The following SEC14L1 variants were observed in gnomAD, a reference collection of about 807,000 sequenced individuals.
SEC14L1 encodes the protein SEC14 like lipid binding 1, also known as SEC14-like protein 1.
SEC14L1 carries 48 observed loss-of-function variants against 85.3 expected under a neutral mutation model. The ratio of observed to expected loss-of-function variants is 0.56; its 90% confidence interval spans 0.45 to 0.72. SEC14L1 has a LOEUF of 0.72. Ranked by LOEUF, SEC14L1 falls within the 30% of genes least tolerant of loss-of-function variation. The pLI, the probability that SEC14L1 is intolerant of heterozygous loss-of-function variation, is 0.00. For synonymous variants in SEC14L1, 391 were observed against 355.5 expected, an observed-to-expected ratio of 1.10 and a Z score of -1.12; for missense variants, 682 against 921.4, an observed-to-expected ratio of 0.74 and a Z score of 3.36.
chr17:77,202,364 A>G (rs940024151), intron 9 of SEC14L1, among the ~76,000 whole-genome samples: 2 of 151,844 alleles, frequency 1.3e-5, no homozygotes, highest in Admixed American at 1.3e-4. Context: ...CACACCTGTA[A>G]TCCCAGCACT....
intron 3 of SEC14L1, among the ~76,000 whole-genome samples, chr17:77,177,850 A>G (rs1159583612): frequency 2.0e-5 from 3 of 152,098 alleles, no homozygotes; most frequent in Admixed American, 2.0e-4. Context: ...ACATATACCT[A>G]GTTCTTTTGT....
Position 77,214,958 on chromosome 17 carries a change from T to C in SEC14L1, c.*935T>C. The C allele has an allele frequency of 3.0e-6, 3 of 985,262 alleles. 1 individual carries two copies. The South Asian group carries it at 1.4e-4, about 46-fold the overall frequency. The allele number at this position is 985,262 out of a possible 1,614,324, so 61.0% of individuals were successfully genotyped here. On this transcript the variant is annotated 3_prime_UTR_variant, in exon 17 of 17. Coordinates refer to ENST00000436233, the MANE Select transcript of SEC14L1 (RefSeq NM_001143998.2). ...CGCATTTGCCACTTGACACTGTCCA[T>C]GGGGTTTTATTAGTAGCTAAGCAGC...
At chr17:77,187,700 T>G (rs2143775922) in intron 3 of SEC14L1, among the ~76,000 whole-genome samples, 1 of 151,938 alleles carries the variant, frequency 6.6e-6, no homozygotes, top group African/African-American at 2.4e-5. Context: ...CCCTATATCC[T>G]ATGACTTCCA....
At chr17:77,089,169 A>G (rs779302367) in exon 2 of SEC14L1, 20 of 343,458 alleles carry the variant, frequency 5.8e-5, no homozygotes, top group Non-Finnish European at 9.8e-5. Flanking sequence ...ACAGAAAATG[A>G]GAAATATCCC....
intron 3 of SEC14L1, among the ~76,000 whole-genome samples, chr17:77,106,727 T>G (rs1855263982): frequency 6.6e-6 from 1 of 151,798 alleles, no homozygotes; most frequent in Non-Finnish European, 1.5e-5. Flanking sequence ...TCCCAGCTAC[T>G]CAGGAGGCTG....
chr17:77,092,951 CAAAAAAAA>C (rs35244244), intron 2 of SEC14L1, among the ~76,000 whole-genome samples: 87 of 84,450 alleles, frequency 1.0e-3, no homozygotes, highest in African/African-American at 3.8e-3. Context: ...AACTCCGTCT[CAAAAAAAA>C]AAAAAAAAAA....
chr17:77,199,724 T>A (rs1349027550), intron 8 of SEC14L1, among the ~76,000 whole-genome samples: 1 of 152,258 alleles, frequency 6.6e-6, no homozygotes, highest in East Asian at 1.9e-4. Flanking sequence ...GAATTATTTA[T>A]GCCTTTGCTC....
chr17:77,099,082 G>A (rs2292853), intron 3 of SEC14L1: 28,437 of 152,090 alleles, frequency 0.19, 3,505 homozygotes, highest in East Asian at 0.53. Flanking sequence ...AAGGAGCCCC[G>A]TGTAAGTCAC....
intron 1 of SEC14L1, among the ~76,000 whole-genome samples, chr17:77,142,247 A>G (rs189081429): frequency 2.6e-5 from 4 of 152,234 alleles, no homozygotes; most frequent in Non-Finnish European, 5.9e-5. Flanking sequence ...ATACCAGAGA[A>G]AGTTCCAAAC....
At chr17:77,170,941 T>G (rs1232552828) in intron 3 of SEC14L1, among the ~76,000 whole-genome samples, 1 of 152,162 alleles carries the variant, frequency 6.6e-6, no homozygotes, top group Non-Finnish European at 1.5e-5. Context: ...GTTTAGCTGT[T>G]GTGTTTGGGA....
intron 3 of SEC14L1, among the ~76,000 whole-genome samples, chr17:77,096,648 C>T (rs758321996): frequency 6.6e-6 from 1 of 152,176 alleles, no homozygotes; most frequent in Non-Finnish European, 1.5e-5. Context: ...TTTCTCTCTT[C>T]GTCCACTAGA....
intron 2 of SEC14L1, chr17:77,089,589 A>G (rs1254928546): frequency 4.3e-6 from 2 of 460,494 alleles, no homozygotes; most frequent in Non-Finnish European, 8.7e-6. Flanking sequence ...TCATTCAATA[A>G]ACATTTGTTG....
intron 3 of SEC14L1, chr17:77,128,174 G>C (rs2143433225): frequency 6.6e-6 from 1 of 152,218 alleles, no homozygotes; most frequent in South Asian, 2.1e-4. Context: ...GTATACCCGG[G>C]GGTATGGAGG....
intron 3 of SEC14L1, among the ~76,000 whole-genome samples, chr17:77,096,639 TTCTC>T (rs1345186517): frequency 6.6e-6 from 1 of 152,140 alleles, no homozygotes; most frequent in Non-Finnish European, 1.5e-5. Context: ...GATTTTGAAT[TTCTC>T]TCTTCGTCCA....
At chr17:77,180,194 C>T (rs1203859617) in intron 3 of SEC14L1, among the ~76,000 whole-genome samples, 2 of 151,728 alleles carry the variant, frequency 1.3e-5, no homozygotes, top group Non-Finnish European at 2.9e-5. Flanking sequence ...ACCCCTGCCT[C>T]CTGGTTTCAA....
chr17:77,198,763 G>A (rs1202822536), intron 8 of SEC14L1, among the ~76,000 whole-genome samples: 1 of 151,896 alleles, frequency 6.6e-6, no homozygotes. Flanking sequence ...TAGTAGAGAT[G>A]GGGTTTCACT....
intron 3 of SEC14L1, among the ~76,000 whole-genome samples, chr17:77,164,578 C>CA (rs1386783994): frequency 6.6e-6 from 1 of 152,212 alleles, no homozygotes; most frequent in Non-Finnish European, 1.5e-5. Context: ...GGTCCATTGA[C>CA]ACAAGAGCCC....
chr17:77,151,274 G>C (rs1328147069), intron 3 of SEC14L1, among the ~76,000 whole-genome samples: 50 of 152,302 alleles, frequency 3.3e-4, no homozygotes, highest in Middle Eastern at 3.4e-3. Flanking sequence ...CGTTTGTAAA[G>C]TTGTGAATGC....
At chr17:77,185,080 G>C (rs1427450594) in intron 3 of SEC14L1, 1 of 372,316 alleles carries the variant, frequency 2.7e-6, no homozygotes, top group African/African-American at 2.2e-5. Flanking sequence ...AGAAACAAAA[G>C]GCAGGACTTA....
Sources: gnomAD v4.1 joint callset for allele counts (sites outside exome capture counted in the v4.1 genomes callset) on GRCh38, gnomAD v4.1.1 for gene constraint, MANE v1.5 for transcripts, NCBI Gene and HGNC (gene_info 2026-07-23, HGNC 2026-07-21) for gene names.